BAHCC1: variants seen among roughly 807,000 people sequenced by gnomAD.
The protein encoded by BAHCC1 is BAH and coiled-coil domain-containing protein 1.
Under a neutral mutation model 88.2 loss-of-function variants are expected in BAHCC1, and 43 were observed. The observed-to-expected ratio is 0.49, with a 90% confidence interval of 0.38 to 0.63. The LOEUF is 0.63. Among genes scored for constraint, BAHCC1 ranks in the 20% least tolerant of loss-of-function variants. The probability of loss-of-function intolerance (pLI) is 0.00; values close to 1 mark genes in which losing one functional copy is unlikely to be tolerated. For missense variants in BAHCC1, 3,023 were observed against 1,654.8 expected (o/e 1.83, Z -14.34); for synonymous variants, 1,510 against 745.5 (o/e 2.03, Z -16.71).
chr17:81,436,889 T>C (rs1263576404), intron 3 of BAHCC1, among the ~76,000 whole-genome samples: 1 of 151,478 alleles, frequency 6.6e-6, no homozygotes, highest in Non-Finnish European at 1.5e-5. Flanking sequence ...GGGCCTTCCC[T>C]GTGCTCACGC....
rs935848516 is a variant in BAHCC1, at chr17:81,432,430, C to T, written c.358+5451C>T. On this transcript the variant is annotated intron_variant, in intron 3 of 27. Transcript: ENST00000675386. Reference sequence around the variant, plus strand: ...TAGCCAGAGCTGATGTCCAGGGTGCCGGCGAAGGTTTTGGGGGTCGTGTGG... The same window carrying T: ...TAGCCAGAGCTGATGTCCAGGGTGCTGGCGAAGGTTTTGGGGGTCGTGTGG... 5.9e-5 allele frequency among the ~76,000 whole-genome samples: 9 copies of T among 151,778 alleles called. No individual in the cohort carries two copies. The South Asian group carries it at 1.2e-3, about 21-fold the overall frequency.
rs1392350328 is a variant in BAHCC1 at position 81,444,506 on chromosome 17, C to T, written c.2450C>T (p.Pro817Leu). ...LGGDPAPHTH[P>L]HPPWLPRTRS... is the part of the protein sequence containing the mutation. ...GGGGACCCAGCCCCCCACACCCACCCCCATCCCCCCTGGCTGCCCCGCACC... is the reference window on the plus strand; with the variant it reads ...GGGGACCCAGCCCCCCACACCCACCTCCATCCCCCCTGGCTGCCCCGCACC... The change falls in exon 7 of 28, where the codon CCC becomes CTC. Residue 817 changes from proline (P) to leucine (L), a missense_variant. Transcript: ENST00000675386. 4 of 701,082 alleles carry T rather than the reference C, an allele frequency of 5.7e-6. No homozygotes were observed. The highest frequency in any genetic ancestry group is 5.3e-5 in the African/African-American group (3 of 57,138). 43.4% of individuals were successfully genotyped at this position (701,082 alleles called of 1,614,324 possible). A position where few individuals can be genotyped will look rare whatever the true frequency, so the allele number is the denominator to read the frequency against.
chr17:81,443,224 G>A lies in BAHCC1; in HGVS notation c.1875G>A (p.Ala625=), dbSNP rs369024187. 9.9e-5 allele frequency: 77 copies of A among 779,318 alleles called. No individual in the cohort carries two copies. Among genetic ancestry groups the A allele is most frequent in the Non-Finnish European group, 1.2e-4 (50 of 417,874 alleles). The allele number at this position is 779,318 out of a possible 1,614,324, so 48.3% of individuals were successfully genotyped here. The change falls in exon 5 of 28, where the codon GCG becomes GCA. Residue 625 remains alanine, a synonymous_variant. Coordinates refer to ENST00000675386, the MANE Select transcript of BAHCC1 (RefSeq NM_001377448.1). ...CTCTTCTGCCCCAGGAACTGCCTGC[G>A]CCGCCGGACGAGGTCTCAGCCATGA... ...QAALLPQELP[A]PPDEVSAMKN... is the part of the protein sequence containing the mutation.
At chr17:81,437,281 G>A (rs955379957) in intron 3 of BAHCC1, among the ~76,000 whole-genome samples, 3 of 152,252 alleles carry the variant, frequency 2.0e-5, no homozygotes, top group African/African-American at 2.4e-5. Flanking sequence ...CGGCCCTCAC[G>A]TTCAGGCAGC....
In BAHCC1 at chr17:81,443,877, G is replaced by C. The variant is rs2064472089; in HGVS notation, c.2284G>C (p.Asp762His). The change falls in exon 6 of 28, where the codon GAT becomes CAT. Residue 762 changes from aspartate to histidine, a missense_variant. Physicochemically the swap from Asp to His is moderately conservative, Grantham distance 81 (BLOSUM62 -1). Coordinates refer to ENST00000675386, the MANE Select transcript of BAHCC1 (RefSeq NM_001377448.1). ...TGAGGAGGAGAGGACGAGGCTATGT[G>C]ATGACCGCCTGGGGCTTGCCAGCCG... Reference protein sequence around the residue: ...EAEEERTRLCDDRLGLASREL... With the variant: ...EAEEERTRLCHDRLGLASREL... 1.4e-6 allele frequency: 1 copy of C among 713,994 alleles called. No individual in the cohort carries two copies. The highest frequency in any genetic ancestry group is 2.6e-6 in the Non-Finnish European group (1 of 384,932). 44.2% of individuals were successfully genotyped at this position (713,994 alleles called of 1,614,324 possible). A position where few individuals can be genotyped will look rare whatever the true frequency, so the allele number is the denominator to read the frequency against.
In BAHCC1 at chr17:81,455,267, G is replaced by A. The variant is rs1324001095; in HGVS notation, c.4446G>A (p.Lys1482=). The part of the protein sequence containing the change: ...PLPRSDGKKV[K]AVRTSLGLLC... Reference sequence around the variant, plus strand: ...TGCACCCACCACCCCATGCCCCCAGGGCGGTGCGGACAAGCCTGGGTCTGC... The same window carrying A: ...TGCACCCACCACCCCATGCCCCCAGAGCGGTGCGGACAAGCCTGGGTCTGC... Residue 1482 remains lysine (K), a splice_region_variant and synonymous_variant, in exon 15 of 28, where the codon AAG becomes AAA. Coordinates refer to ENST00000675386, the MANE Select transcript of BAHCC1 (RefSeq NM_001377448.1). The A allele has an allele frequency of 7.0e-6, 5 of 715,202 alleles. No homozygotes were observed. Among genetic ancestry groups the A allele is most frequent in the Non-Finnish European group, 1.3e-5 (5 of 385,036 alleles). 44.3% of individuals were successfully genotyped at this position (715,202 alleles called of 1,614,324 possible).
chr17:81,417,265 G>A (rs1267347820), intron 2 of BAHCC1, among the ~76,000 whole-genome samples: 1 of 152,114 alleles, frequency 6.6e-6, no homozygotes, highest in African/African-American at 2.4e-5. Context: ...ATCCAGCTGC[G>A]GGGGGCGGCG....
chr17:81,455,850 C>G (rs1337683327), intron 15 of BAHCC1, among the ~76,000 whole-genome samples: 3 of 152,188 alleles, frequency 2.0e-5, no homozygotes, highest in Admixed American at 2.0e-4. Context: ...CTGCCGACAC[C>G]CCTTCTTTCT....
At chr17:81,449,348 C>T (rs1403857482) in intron 11 of BAHCC1, among the ~76,000 whole-genome samples, 2 of 151,934 alleles carry the variant, frequency 1.3e-5, no homozygotes, top group Admixed American at 6.5e-5. Context: ...CTGCTGGGCT[C>T]AGAGCTGATC....
chr17:81,458,682 A>T lies in BAHCC1; in HGVS notation c.5405A>T (p.Lys1802Met). ...CGCAACGCCAAGGCCATCCTGGGGA[A>T]GGGCCGGAAGCTGAGCAAGGTGAAG... The part of the protein sequence containing the change: ...ATRNAKAILG[K>M]GRKLSKVKHK... Residue 1802 changes from lysine to methionine, a missense_variant, in exon 19 of 28, where the codon AAG becomes ATG. Lys to Met is a moderately conservative substitution (Grantham distance 95, BLOSUM62 -1). Coordinates refer to ENST00000675386, the MANE Select transcript of BAHCC1 (RefSeq NM_001377448.1). The T allele has an allele frequency of 1.4e-6, 1 of 725,426 alleles. No homozygotes were observed. Among genetic ancestry groups the T allele is most frequent in the Admixed American group, 2.0e-5 (1 of 50,784 alleles). The allele number at this position is 725,426 out of a possible 1,614,324, so 44.9% of individuals were successfully genotyped here.
intron 2 of BAHCC1, among the ~76,000 whole-genome samples, chr17:81,424,554 TTGA>T (rs549444231): frequency 2.5e-4 from 38 of 152,174 alleles, no homozygotes; most frequent in South Asian, 1.2e-3. Context: ...TGATTGGTGA[TTGA>T]TGATGATATG....
intron 2 of BAHCC1, among the ~76,000 whole-genome samples, chr17:81,418,767 G>C (rs943251772): frequency 1.1e-5 from 1 of 94,330 alleles, no homozygotes; most frequent in African/African-American, 4.2e-5. Flanking sequence ...GTGTGTGTAC[G>C]TGTGTGTACG....
intron 25 of BAHCC1, 61 bp from the exon 26 acceptor site, chr17:81,460,805 G>A: frequency 1.3e-6 from 1 of 768,848 alleles, no homozygotes; most frequent in Admixed American, 1.7e-5. Context: ...CCGGGGAGGG[G>A]CAGGTGGAGG....
chr17:81,413,525 G>A (rs782581160), intron 2 of BAHCC1, among the ~76,000 whole-genome samples: 27 of 152,122 alleles, frequency 1.8e-4, no homozygotes, highest in Non-Finnish European at 3.7e-4. Flanking sequence ...CCCGTGGACC[G>A]TCCCCACCCC....
At chr17:81,410,611 C>G (rs1375944709) in intron 2 of BAHCC1, among the ~76,000 whole-genome samples, 1 of 152,180 alleles carries the variant, frequency 6.6e-6, no homozygotes, top group East Asian at 1.9e-4. Flanking sequence ...GGTCCTGGCA[C>G]CACGGGTCCT....
chr17:81,458,875 C>T lies in BAHCC1; in HGVS notation c.5511C>T (p.Phe1837=), dbSNP rs186021893. The stretch of plus-strand genomic sequence containing the variant: ...TCGCCGTGGAGGAAGACTTTGAGTT[C>T]GACGACAACAGCAGCTTCTCGGAAG... ...ESFAVEEDFE[F]DDNSSFSEEE... Residue 1837 remains phenylalanine (F), a synonymous_variant, in exon 20 of 28, where the codon TTC becomes TTT. Coordinates refer to ENST00000675386, the MANE Select transcript of BAHCC1 (RefSeq NM_001377448.1). 109 of 774,006 alleles carry T rather than the reference C, an allele frequency of 1.4e-4. No homozygotes were observed. The highest frequency in any genetic ancestry group is 1.2e-3 in the African/African-American group (70 of 59,162). The allele number at this position is 774,006 out of a possible 1,614,324, so 47.9% of individuals were successfully genotyped here. A position where few individuals can be genotyped will look rare whatever the true frequency, so the allele number is the denominator to read the frequency against.
intron 2 of BAHCC1, among the ~76,000 whole-genome samples, chr17:81,412,575 C>G (rs1216051370): frequency 6.6e-6 from 1 of 152,186 alleles, no homozygotes; most frequent in Non-Finnish European, 1.5e-5. Flanking sequence ...GCAGCCACCA[C>G]GCTTCAGCCT....
chr17:81,459,211 C>A, intron 21 of BAHCC1, 42 bp from the exon 22 acceptor site: 1 of 772,316 alleles, frequency 1.3e-6, no homozygotes, highest in Non-Finnish European at 2.4e-6. Flanking sequence ...GCCTGGAGGG[C>A]AACCGAGACC....
chr17:81,404,039 T>C (rs782195116), intron 2 of BAHCC1, among the ~76,000 whole-genome samples: 2 of 152,250 alleles, frequency 1.3e-5, no homozygotes, highest in African/African-American at 2.4e-5. Flanking sequence ...ACATCTCCCC[T>C]GGAAAACGCG....
Sources: gnomAD v4.1 joint callset for allele counts (sites outside exome capture counted in the v4.1 genomes callset) on GRCh38, gnomAD v4.1.1 for gene constraint, MANE v1.5 for transcripts, NCBI Gene and HGNC (gene_info 2026-07-23, HGNC 2026-07-21) for gene names.